The following PLEKHG3 variants were observed in gnomAD, a reference collection of about 807,000 sequenced individuals.
PLEKHG3 encodes the protein pleckstrin homology domain-containing family G member 3.
PLEKHG3 carries 62 observed loss-of-function variants against 94.9 expected under a neutral mutation model. That is an observed-to-expected ratio of 0.65 (90% CI 0.53 to 0.81). PLEKHG3 has a LOEUF of 0.81. Among genes scored for constraint, PLEKHG3 ranks in the 30% least tolerant of loss-of-function variants. PLEKHG3 has a pLI of 0.00. For missense variants in PLEKHG3, 1,461 were observed against 1,619.3 expected (o/e 0.90, Z 1.68); for synonymous variants, 614 against 654.0 (o/e 0.94, Z 0.93).
intron 1 of PLEKHG3, among the ~76,000 whole-genome samples, chr14:64,724,661 A>G (rs889799586): frequency 1.3e-5 from 2 of 152,356 alleles, no homozygotes; most frequent in Non-Finnish European, 2.9e-5. Flanking sequence ...GTGTCATGTC[A>G]TAAGCCCCAA....
chr14:64,708,149 C>G (rs924837463), intron 1 of PLEKHG3, among the ~76,000 whole-genome samples: 2 of 152,136 alleles, frequency 1.3e-5, no homozygotes, highest in Non-Finnish European at 2.9e-5. Context: ...CTTTCCTGCC[C>G]TACCCTAGAT....
Position 64,750,127 on chromosome 14 carries a change from G to C in PLEKHG3, c.*6424G>C. 1 of 1,614,058 alleles carries C rather than the reference G, an allele frequency of 6.2e-7. No individual in the cohort carries two copies. The highest frequency in any genetic ancestry group is 1.3e-5 in the African/African-American group (1 of 75,030). On this transcript the variant is annotated 3_prime_UTR_variant, in exon 17 of 17. Transcript: ENST00000247226. ...TGTAGAAGGTTAGCTCACTGTTCCTGAGCACACAGTACAGGTTGTTCCAGG... is the reference window on the plus strand; with the variant it reads ...TGTAGAAGGTTAGCTCACTGTTCCTCAGCACACAGTACAGGTTGTTCCAGG...
In PLEKHG3 at chr14:64,727,878, G is replaced by A. The variant is rs1417593259; in HGVS notation, c.247G>A (p.Ala83Thr). The A allele has an allele frequency of 1.2e-6, 2 of 1,613,308 alleles. No homozygotes were observed. The highest frequency in any genetic ancestry group is 2.7e-5 in the African/African-American group (2 of 75,072). ...CCTCTCCCCGTTCAACAGCCGGGCA[G>A]CGGCAGGGCCTGCACACCACAAGCT... ...GPLSPFNSRA[A>T]AGPAHHKLSY... The change falls in exon 2 of 17, where the codon GCG becomes ACG. Residue 83 changes from alanine (A) to threonine (T), a missense_variant. Around this residue, in one of 3 missense-constraint regions of PLEKHG3, gnomAD observed 253 missense variants for 297.8 expected, o/e 0.85. Transcript: ENST00000247226. This position sits in a 1 kb window ranked among gnomAD's most constrained non-coding sequence, Gnocchi z 6.0.
rs1419420787 is a variant in PLEKHG3 at position 64,738,904 on chromosome 14, C to T, written c.1518+49C>T. The T allele has an allele frequency of 1.6e-6, 2 of 1,238,952 alleles. No homozygotes were observed. The highest frequency in any genetic ancestry group is 5.1e-5 in the East Asian group (2 of 39,342). The allele number at this position is 1,238,952 out of a possible 1,614,324, so 76.7% of individuals were successfully genotyped here. A position where few individuals can be genotyped will look rare whatever the true frequency, so the allele number is the denominator to read the frequency against. The stretch of plus-strand genomic sequence containing the variant: ...GGGATAGTAGGAAGAACTTGGAGTC[C>T]AGATTTTCAAGTCTGCAAATAGGGC... On this transcript the variant is annotated intron_variant, in intron 15 of 16. Transcript: ENST00000247226. The surrounding 1 kb of genome is among the most constrained non-coding windows in gnomAD (Gnocchi z 4.8).
In PLEKHG3 at chr14:64,730,644, C is replaced by T; in HGVS notation, c.522C>T (p.Ser174=). The part of the protein sequence containing the change: ...VAVASCFVER[S]QEFDIYTQYC... ...CACTATTTTTGATCTCTTCTTAGAGCCAAGAGTTTGATATCTACACTCAGT... is the reference window on the plus strand; with the variant it reads ...CACTATTTTTGATCTCTTCTTAGAGTCAAGAGTTTGATATCTACACTCAGT... Residue 174 remains serine (S), a splice_region_variant and synonymous_variant, in exon 5 of 17, where the codon AGC becomes AGT. Transcript: ENST00000247226. This position sits in a 1 kb window ranked among gnomAD's most constrained non-coding sequence, Gnocchi z 5.4. 6.2e-7 allele frequency: 1 copy of T among 1,610,324 alleles called. No homozygotes were observed. Among genetic ancestry groups the T allele is most frequent in the Non-Finnish European group, 8.5e-7 (1 of 1,177,136 alleles).
At chr14:64,740,864 G>T (rs903448791) in intron 15 of PLEKHG3, among the ~76,000 whole-genome samples, 172 bp from the exon 16 acceptor site, 1 of 152,230 alleles carries the variant, frequency 6.6e-6, no homozygotes, top group African/African-American at 2.4e-5. Context: ...ACACAGTCAT[G>T]TTCCTCTAAG....
At chr14:64,736,691 C>T (rs952807739) in intron 12 of PLEKHG3, among the ~76,000 whole-genome samples, 162 bp from the exon 13 acceptor site, 11 of 152,212 alleles carry the variant, frequency 7.2e-5, no homozygotes, top group South Asian at 2.1e-4. Context: ...GGGGGCTCGC[C>T]GACACTGTGG....
rs2081208783 is a variant in PLEKHG3, at chr14:64,718,532, G to C, written c.-39-9061G>C. Among the ~76,000 whole-genome samples the C allele has an allele frequency of 1.3e-5, 2 of 152,146 alleles. No individual in the cohort carries two copies. Among genetic ancestry groups the C allele is most frequent in the Admixed American group, 1.3e-4 (2 of 15,274 alleles). On this transcript the variant is annotated intron_variant, in intron 1 of 16. Transcript: ENST00000247226. The surrounding 1 kb of genome is among the most constrained non-coding windows in gnomAD (Gnocchi z 5.0). ...TGCCATGATGTCTTTGTGCACAGTA[G>C]GTGCTTGGTAAACAGCTTAGGTTGG...
chr14:64,714,950 G>T (rs1466561974), intron 1 of PLEKHG3, among the ~76,000 whole-genome samples: 1 of 152,158 alleles, frequency 6.6e-6, no homozygotes, highest in Non-Finnish European at 1.5e-5. Flanking sequence ...CCTCTAGGAG[G>T]TTGTTACTGA....
chr14:64,739,373 C>T lies in PLEKHG3; in HGVS notation c.1518+518C>T, dbSNP rs1050583246. On this transcript the variant is annotated intron_variant, in intron 15 of 16. Transcript: ENST00000247226. The surrounding 1 kb of genome is among the most constrained non-coding windows in gnomAD (Gnocchi z 4.1). ...CTAACACTGAGCAGCTTCTGAGGCG[C>T]GGGGCTGAGATCAGACCTGGGGCTG... Among the ~76,000 whole-genome samples, 1 of 152,144 alleles carries T rather than the reference C, an allele frequency of 6.6e-6. No individual in the cohort carries two copies.
rs752077415 is a variant in PLEKHG3, at chr14:64,749,269, C to T, written c.*5566C>T. The T allele has an allele frequency of 1.3e-5, 20 of 1,544,824 alleles. No homozygotes were observed. The highest frequency in any genetic ancestry group is 1.2e-5 in the Non-Finnish European group (14 of 1,150,300). ...CAAGGCCTGGGCTGCCCGGTCTCTGCGCGTCCCGACTCCGCCGCGCCCGCC... is the reference window on the plus strand; with the variant it reads ...CAAGGCCTGGGCTGCCCGGTCTCTGTGCGTCCCGACTCCGCCGCGCCCGCC... On this transcript the variant is annotated 3_prime_UTR_variant, in exon 17 of 17. Transcript: ENST00000247226. This position sits in a 1 kb window ranked among gnomAD's most constrained non-coding sequence, Gnocchi z 4.7.
Position 64,742,249 on chromosome 14 carries a change from C to A in PLEKHG3, c.2732C>A (p.Ser911Tyr), listed in dbSNP as rs1269644699. 1.2e-6 allele frequency: 2 copies of A among 1,613,128 alleles called. No homozygotes were observed. Among genetic ancestry groups the A allele is most frequent in the Non-Finnish European group, 1.7e-6 (2 of 1,180,028 alleles). ...CTGCACCCCCGCATCGTGCAGCTCT[C>A]CCACGTAATGGACAGCCACGTGAGC... The part of the protein sequence containing the change: ...APLHPRIVQL[S>Y]HVMDSHVSER... Residue 911 changes from serine to tyrosine, a missense_variant, in exon 16 of 17, where the codon TCC (serine) becomes TAC (tyrosine). Physicochemically the swap from Ser to Tyr is moderately radical, Grantham distance 144. Transcript: ENST00000247226.
Position 64,738,248 on chromosome 14 carries a change from C to T in PLEKHG3, c.1405-494C>T. ...TGGTGAGGTGTCTCTTCGATCTCCC[C>T]TCCTCCTTGCATGCTCCCTGGGATG... On this transcript the variant is annotated intron_variant, in intron 14 of 16. Transcript: ENST00000247226. This position sits in a 1 kb window ranked among gnomAD's most constrained non-coding sequence, Gnocchi z 4.8. The T allele has an allele frequency of 7.9e-7, 1 of 1,268,828 alleles. No homozygotes were observed. The highest frequency in any genetic ancestry group is 1.0e-6 in the Non-Finnish European group (1 of 971,992). 78.6% of individuals were successfully genotyped at this position (1,268,828 alleles called of 1,614,324 possible). A position where few individuals can be genotyped will look rare whatever the true frequency, so the allele number is the denominator to read the frequency against.
In PLEKHG3 at chr14:64,750,200, T is replaced by C. The variant is rs2064261512; in HGVS notation, c.*6497T>C. ...AGGTCACCCACATCCTGATATGGTATCTCTAGAGTCAATTCCTATAGCTTC... is the reference window on the plus strand; with the variant it reads ...AGGTCACCCACATCCTGATATGGTACCTCTAGAGTCAATTCCTATAGCTTC... On this transcript the variant is annotated 3_prime_UTR_variant, in exon 17 of 17. Transcript: ENST00000247226. 6.3e-7 allele frequency: 1 copy of C among 1,584,552 alleles called. No homozygotes were observed. Among genetic ancestry groups the C allele is most frequent in the African/African-American group, 1.3e-5 (1 of 74,156 alleles).
rs753843370 is a variant in PLEKHG3 at position 64,721,672 on chromosome 14, C to T, written c.-39-5921C>T. 2.2e-4 allele frequency among the ~76,000 whole-genome samples: 33 copies of T among 152,112 alleles called. No individual in the cohort carries two copies. Among genetic ancestry groups the T allele is most frequent in the Non-Finnish European group, 3.8e-4 (26 of 68,006 alleles). ...AGTCACTCCCCGGGGAGCCTTCTCT[C>T]GCGCTTTATTACGGTGCTCAGGGCT... On this transcript the variant is annotated intron_variant, in intron 1 of 16. Coordinates refer to ENST00000247226, the MANE Select transcript of PLEKHG3 (RefSeq NM_001308147.2). The surrounding 1 kb of genome is among the most constrained non-coding windows in gnomAD (Gnocchi z 4.3).
Position 64,728,275 on chromosome 14 carries a change from G to A in PLEKHG3, c.351+293G>A, listed in dbSNP as rs562890544. Among the ~76,000 whole-genome samples, 11 of 152,350 alleles carry A rather than the reference G, an allele frequency of 7.2e-5. No homozygotes were observed. Among genetic ancestry groups the A allele is most frequent in the African/African-American group, 2.6e-4 (11 of 41,592 alleles). On this transcript the variant is annotated intron_variant, in intron 2 of 16. Transcript: ENST00000247226. The surrounding 1 kb of genome is among the most constrained non-coding windows in gnomAD (Gnocchi z 5.9). ...AGAGACTGAATGGAGTGAAGACATG[G>A]GCTCTGGGCCTGGCCCCATGCATCC... is the stretch of plus-strand genomic sequence containing the variant.
intron 3 of PLEKHG3, 124 bp downstream of exon 3, chr14:64,729,217 T>C: frequency 1.8e-6 from 1 of 564,012 alleles, no homozygotes; most frequent in Admixed American, 3.1e-5. Context: ...GCCTGATCTC[T>C]GAGGACAGGG....
chr14:64,741,568 A>G lies in PLEKHG3; in HGVS notation c.2051A>G (p.Asn684Ser), dbSNP rs759522291. ...GCCACAGAGGACAGCCCTTCTGTCA[A>G]TGGGATGGAGCCCCCAAGCCCAGGC... is the stretch of plus-strand genomic sequence containing the variant. ...GVATEDSPSVNGMEPPSPGCP... is the reference protein window; with the variant it reads ...GVATEDSPSVSGMEPPSPGCP... The change falls in exon 16 of 17, where the codon AAT (asparagine) becomes AGT (serine). Residue 684 changes from asparagine to serine, a missense_variant. Asn to Ser is a conservative substitution (Grantham distance 46). Coordinates refer to ENST00000247226, the MANE Select transcript of PLEKHG3 (RefSeq NM_001308147.2). 5.0e-6 allele frequency: 8 copies of G among 1,612,988 alleles called. No individual in the cohort carries two copies. The South Asian group carries it at 7.7e-5, about 15-fold the overall frequency.
rs2081804493 is a variant in PLEKHG3 at position 64,744,904 on chromosome 14, C to T, written c.*1201C>T. The stretch of plus-strand genomic sequence containing the variant: ...TTCTCGTTGTCTCAGCCTCCCAGGT[C>T]GCTGGGACTACAGGCATGAGCCACC... On this transcript the variant is annotated 3_prime_UTR_variant, in exon 17 of 17. Coordinates refer to ENST00000247226, the MANE Select transcript of PLEKHG3 (RefSeq NM_001308147.2). 6.6e-6 allele frequency: 1 copy of T among 151,322 alleles called. No individual in the cohort carries two copies. The allele number at this position is 151,322 out of a possible 1,614,324, so 9.4% of individuals were successfully genotyped here. A position where few individuals can be genotyped will look rare whatever the true frequency, so the allele number is the denominator to read the frequency against.
Sources: gnomAD v4.1 joint callset for allele counts (sites outside exome capture counted in the v4.1 genomes callset) on GRCh38, gnomAD v4.1.1 for gene constraint, gnomAD v4.1.1 regional missense constraint, Gnocchi (gnomAD v3.1) non-coding constraint, MANE v1.5 for transcripts, NCBI Gene and HGNC (gene_info 2026-07-23, HGNC 2026-07-21) for gene names.